PTPRN2: variants seen among roughly 807,000 people sequenced by gnomAD.
PTPRN2 encodes protein tyrosine phosphatase receptor type N2, also known as receptor-type tyrosine-protein phosphatase N2.
In PTPRN2, 74 loss-of-function variants were observed where a neutral mutation model predicts 118.8. The observed-to-expected ratio is 0.62, with a 90% CI of 0.52 to 0.76. The LOEUF (loss-of-function observed/expected upper bound fraction) is 0.76. PTPRN2 is among the 30% of genes least tolerant of loss of function. PTPRN2 has a pLI of 0.00. For missense variants in PTPRN2, 1,481 were observed against 1,394.4 expected (o/e 1.06, Z -0.99); for synonymous variants, 641 against 608.0 (o/e 1.05, Z -0.80).
intron 6 of PTPRN2, among the ~76,000 whole-genome samples, chr7:158,149,261 T>G (rs73173624): frequency 0.11 from 16,635 of 152,192 alleles, 1,064 homozygotes; most frequent in African/African-American, 0.17. Context: ...GGGAACCCAA[T>G]TTCCAACCAA....
At chr7:158,219,020 T>C (rs529141567) in intron 3 of PTPRN2, among the ~76,000 whole-genome samples, 51 of 152,128 alleles carry the variant, frequency 3.4e-4, no homozygotes, top group Non-Finnish European at 5.1e-4. Context: ...AGACAGATCA[T>C]AGAGGCAGAA....
chr7:157,607,118 C>T (rs1369023062), intron 15 of PTPRN2, among the ~76,000 whole-genome samples: 2 of 152,236 alleles, frequency 1.3e-5, no homozygotes, highest in African/African-American at 4.8e-5. Context: ...CTTTTAGCTC[C>T]TGCACAAATT....
chr7:158,576,087 C>T (rs541285228), intron 1 of PTPRN2, among the ~76,000 whole-genome samples: 5 of 152,116 alleles, frequency 3.3e-5, no homozygotes, highest in Admixed American at 1.3e-4. Flanking sequence ...ATACTTTCCC[C>T]GCTGGAAGAG....
intron 3 of PTPRN2, among the ~76,000 whole-genome samples, chr7:158,310,455 A>G (rs957534957): frequency 1.3e-5 from 2 of 152,248 alleles, no homozygotes; most frequent in Non-Finnish European, 2.9e-5. Flanking sequence ...GGTGAGGACC[A>G]TGGCCGAATG....
chr7:158,154,017 G>T (rs990330706), intron 6 of PTPRN2, among the ~76,000 whole-genome samples: 1 of 152,292 alleles, frequency 6.6e-6, no homozygotes, highest in Non-Finnish European at 1.5e-5. Flanking sequence ...GGGAGGGTTC[G>T]TTCAAGGTGT....
In PTPRN2 at chr7:158,522,652, G is replaced by T. The variant is rs546378566; in HGVS notation, c.113-32867C>A. On this transcript the variant is annotated intron_variant, in intron 1 of 22. Transcript: ENST00000389418. ...CTTGCTGCGGCTAGATGCAGTCTGT[G>T]GACACAGATTAAGGTGAAGTGAGGG... Among the ~76,000 whole-genome samples, 16 of 152,346 alleles carry T rather than the reference G, an allele frequency of 1.1e-4. 1 individual carries two copies. The South Asian group carries it at 1.4e-3, about 14-fold the overall frequency.
Position 157,675,689 on chromosome 7 carries a change from C to T in PTPRN2, c.2001+7036G>A, listed in dbSNP as rs1371894331. Among the ~76,000 whole-genome samples, 7 of 152,290 alleles carry T rather than the reference C, an allele frequency of 4.6e-5. No homozygotes were observed. In the East Asian group the frequency reaches 1.2e-3, roughly 25 times the overall value. ...AGGAATCCAACACCCATCCCAGCCC[C>T]GCGGGCACTGACAGTCGCTGCAGAC... On this transcript the variant is annotated intron_variant, in intron 13 of 22. Transcript: ENST00000389418.
At position 157,580,424 on chromosome 7, in the gene PTPRN2, C is replaced by T. The variant is rs544107921; in HGVS notation, c.2497-2284G>A. ...CGGCCCCCATGGCCACCTGCACAGC[C>T]GAGTACCTGCACACCCCAGCACCTG... On this transcript the variant is annotated intron_variant, in intron 17 of 22. Transcript: ENST00000389418. Among the ~76,000 whole-genome samples the T allele has an allele frequency of 3.3e-5, 5 of 151,854 alleles. No homozygotes were observed. In the East Asian group the frequency reaches 5.8e-4, roughly 18 times the overall value.
intron 11 of PTPRN2, among the ~76,000 whole-genome samples, chr7:158,070,773 G>GGTA (rs1811279425): frequency 8.1e-6 from 1 of 124,088 alleles, no homozygotes; most frequent in Admixed American, 7.6e-5. Flanking sequence ...AGGTGCTCAT[G>GGTA]GTGGAGGTGC....
intron 1 of PTPRN2, among the ~76,000 whole-genome samples, chr7:158,500,671 A>G (rs561858006): frequency 2.0e-5 from 3 of 152,222 alleles, no homozygotes; most frequent in Non-Finnish European, 4.4e-5. Flanking sequence ...CCCAGCCACA[A>G]AAACGTCCAC....
chr7:158,242,801 A>G (rs552446496), intron 3 of PTPRN2, among the ~76,000 whole-genome samples: 13 of 152,194 alleles, frequency 8.5e-5, no homozygotes, highest in Admixed American at 2.6e-4. Context: ...AGATTGTCCA[A>G]TGTCTTGGCG....
intron 17 of PTPRN2, among the ~76,000 whole-genome samples, chr7:157,589,444 ACTTTCTAGAGAAAGG>A (rs71931405): frequency 0.049 from 7,452 of 152,204 alleles, 323 homozygotes; most frequent in East Asian, 0.19. Flanking sequence ...ATTAAAATAC[ACTTTCTAGAGAAAGG>A]CTTTCTAGAG....
intron 13 of PTPRN2, among the ~76,000 whole-genome samples, chr7:157,662,681 GGAA>G (rs1795950295): frequency 6.6e-6 from 1 of 152,214 alleles, no homozygotes; most frequent in South Asian, 2.1e-4. Context: ...CACGGGGCGA[GGAA>G]GGAGGAGGAG....
intron 9 of PTPRN2, among the ~76,000 whole-genome samples, chr7:158,112,249 G>A (rs1816343059): frequency 6.6e-6 from 1 of 152,236 alleles, no homozygotes; most frequent in African/African-American, 2.4e-5. Flanking sequence ...GCAGGGCTGT[G>A]GAGGGAAGGG....
At position 158,259,812 on chromosome 7, in the gene PTPRN2, C is replaced by T. The variant is rs144134487; in HGVS notation, c.278-54539G>A. Reference sequence around the variant, plus strand: ...GGTATACACGTATTTGTCCACGTGTCCCTTTGTGTACACATATGTGAATGT... The same window carrying T: ...GGTATACACGTATTTGTCCACGTGTTCCTTTGTGTACACATATGTGAATGT... On this transcript the variant is annotated intron_variant, in intron 3 of 22. Coordinates refer to ENST00000389418, the MANE Select transcript of PTPRN2 (RefSeq NM_002847.5). 5.5e-5 allele frequency among the ~76,000 whole-genome samples: 8 copies of T among 146,372 alleles called. No individual in the cohort carries two copies. The East Asian group carries it at 1.7e-3, about 31-fold the overall frequency.
At chr7:158,425,418 CCG>C (rs1815651512) in intron 2 of PTPRN2, among the ~76,000 whole-genome samples, 1 of 26,670 alleles carries the variant, frequency 3.7e-5, no homozygotes, top group Non-Finnish European at 7.0e-5. Flanking sequence ...GACGCGGGGT[CCG>C]AGACCAGCCT....
chr7:157,745,002 C>A (rs556083487), intron 12 of PTPRN2, among the ~76,000 whole-genome samples: 1 of 152,306 alleles, frequency 6.6e-6, no homozygotes, highest in Non-Finnish European at 1.5e-5. Context: ...CCCTTCCAGG[C>A]GGCACCTTCC....
At chr7:158,552,371 GAGA>G (rs1235734409) in intron 1 of PTPRN2, among the ~76,000 whole-genome samples, 1 of 152,250 alleles carries the variant, frequency 6.6e-6, no homozygotes, top group Non-Finnish European at 1.5e-5. Context: ...AAGTCAGCCT[GAGA>G]AGATCAGTGA....
intron 12 of PTPRN2, among the ~76,000 whole-genome samples, chr7:157,708,638 C>T (rs930001769): frequency 5.3e-5 from 8 of 152,234 alleles, no homozygotes; most frequent in African/African-American, 1.9e-4. Flanking sequence ...CCCCAACTTC[C>T]GTAAAACCAC....
Sources: gnomAD v4.1 joint callset for allele counts (sites outside exome capture counted in the v4.1 genomes callset) on GRCh38, gnomAD v4.1.1 for gene constraint, MANE v1.5 for transcripts, NCBI Gene and HGNC (gene_info 2026-07-23, HGNC 2026-07-21) for gene names.